The following B3GAT2 variants were observed in gnomAD, a reference collection of about 807,000 sequenced individuals.
The protein encoded by B3GAT2 is galactosylgalactosylxylosylprotein 3-beta-glucuronosyltransferase 2.
A neutral mutation model predicts 27.8 loss-of-function variants in B3GAT2; 26 were observed. The observed-to-expected ratio is 0.93, with a 90% confidence interval of 0.68 to 1.30. The LOEUF is 1.30. B3GAT2 is among the 50% of genes most tolerant of loss of function. B3GAT2 has a pLI of 0.00. For synonymous variants in B3GAT2, 218 were observed against 195.1 expected, an observed-to-expected ratio of 1.12 and a Z score of -0.98; for missense variants, 458 against 459.0, an observed-to-expected ratio of 1.00 and a Z score of 0.02.
intron 1 of B3GAT2, among the ~76,000 whole-genome samples, chr6:70,900,329 G>A (rs556811376): frequency 2.6e-4 from 39 of 152,146 alleles, no homozygotes; most frequent in South Asian, 8.3e-4. Flanking sequence ...TGTTCATCAC[G>A]TTGTCATCTT....
chr6:70,861,297 C>A lies in B3GAT2; in HGVS notation c.*366G>T. 5.3e-6 allele frequency: 1 copy of A among 189,186 alleles called. No homozygotes were observed. Among genetic ancestry groups the A allele is most frequent in the Non-Finnish European group, 1.1e-5 (1 of 90,330 alleles). 11.7% of individuals were successfully genotyped at this position (189,186 alleles called of 1,614,324 possible). A position where few individuals can be genotyped will look rare whatever the true frequency, so the allele number is the denominator to read the frequency against. On this transcript the variant is annotated 3_prime_UTR_variant, in exon 4 of 4. Transcript: ENST00000230053. ...ACAAAATACTTGTCTGTTTTAAAAA[C>A]CTGTTCAAGTCTACCAACCTGTTCA...
Position 70,956,826 on chromosome 6 carries a change from C to A in B3GAT2, c.-397G>T. The stretch of plus-strand genomic sequence containing the variant: ...ACCCGGTGCGCCTCGCCGCTCCAGT[C>A]CGGCGGTGCTGCGGGCACAAGGGCT... On this transcript the variant is annotated 5_prime_UTR_variant, in exon 1 of 4. Transcript: ENST00000230053. The A allele has an allele frequency of 9.4e-7, 1 of 1,067,586 alleles. No homozygotes were observed. Among genetic ancestry groups the A allele is most frequent in the Non-Finnish European group, 1.1e-6 (1 of 881,908 alleles). The allele number at this position is 1,067,586 out of a possible 1,614,324, so 66.1% of individuals were successfully genotyped here.
At chr6:70,886,992 G>T (rs545931) in intron 2 of B3GAT2, among the ~76,000 whole-genome samples, 3 of 151,808 alleles carry the variant, frequency 2.0e-5, no homozygotes. Context: ...CCTAGATCCT[G>T]CACTAAAAGG....
At chr6:70,953,733 C>G (rs1277081416) in intron 1 of B3GAT2, among the ~76,000 whole-genome samples, 1 of 152,126 alleles carries the variant, frequency 6.6e-6, no homozygotes, top group Non-Finnish European at 1.5e-5. Flanking sequence ...TGCATTACTT[C>G]CAATTGTACA....
chr6:70,861,698 T>G lies in B3GAT2; in HGVS notation c.937A>C (p.Lys313Gln), dbSNP rs1286750096. 8 of 1,614,130 alleles carry G rather than the reference T, an allele frequency of 5.0e-6. No individual in the cohort carries two copies. The highest frequency in any genetic ancestry group is 5.9e-6 in the Non-Finnish European group (7 of 1,179,990). Residue 313 changes from lysine (K) to glutamine (Q), a missense_variant, in exon 4 of 4, where the codon AAG becomes CAG. Coordinates refer to ENST00000230053, the MANE Select transcript of B3GAT2 (RefSeq NM_080742.3). ...ATTTTCACTGTGTCCAGGTGGTACT[T>G]TGGCTCGTTGGCTAGATTAACCTTC... ...TEKVNLANEP[K>Q]YHLDTVKIEV
intron 2 of B3GAT2, among the ~76,000 whole-genome samples, chr6:70,883,375 T>C (rs573613818): frequency 1.3e-5 from 2 of 150,932 alleles, no homozygotes; most frequent in Admixed American, 1.3e-4. Flanking sequence ...TACGTAACAA[T>C]GGAATATTAG....
intron 2 of B3GAT2, among the ~76,000 whole-genome samples, chr6:70,878,151 T>C (rs1049744866): frequency 5.3e-5 from 8 of 152,256 alleles, no homozygotes; most frequent in Non-Finnish European, 1.2e-4. Context: ...TCTGTGTCTA[T>C]TGAGTACAGT....
At chr6:70,938,974 G>A (rs1245382845) in intron 1 of B3GAT2, among the ~76,000 whole-genome samples, 2 of 151,780 alleles carry the variant, frequency 1.3e-5, no homozygotes, top group East Asian at 3.9e-4. Flanking sequence ...CCTACAAAAT[G>A]GGAGAAAATA....
chr6:70,900,446 C>A (rs1772479313), intron 1 of B3GAT2, among the ~76,000 whole-genome samples: 3 of 151,994 alleles, frequency 2.0e-5, no homozygotes, highest in Admixed American at 2.0e-4. Flanking sequence ...CCTCTGTCAC[C>A]CAGGCTGGAA....
At chr6:70,953,624 T>C (rs948985464) in intron 1 of B3GAT2, among the ~76,000 whole-genome samples, 4 of 152,346 alleles carry the variant, frequency 2.6e-5, no homozygotes, top group African/African-American at 9.6e-5. Context: ...ATGCCTATTA[T>C]GCTTAAAATG....
At chr6:70,917,089 C>T (rs1772785684) in intron 1 of B3GAT2, among the ~76,000 whole-genome samples, 1 of 152,126 alleles carries the variant, frequency 6.6e-6, no homozygotes, top group Admixed American at 6.5e-5. Flanking sequence ...TGTCACTGAA[C>T]TATTTAGAGA....
rs1765649578 is a variant in B3GAT2 at position 70,956,013 on chromosome 6, G to T, written c.417C>A (p.His139Gln). The T allele has an allele frequency of 6.7e-7, 1 of 1,501,758 alleles. No individual in the cohort carries two copies. The highest frequency in any genetic ancestry group is 1.9e-4 in the Middle Eastern group (1 of 5,180). The allele number at this position is 1,501,758 out of a possible 1,614,324, so 93.0% of individuals were successfully genotyped here. ...FLARAGLPST[H>Q]LHVPTPRRYK... ...AGCGCCGCGGCGTGGGCACGTGCAGGTGAGTGCTGGGCAGCCCGGCCCGCG... is the reference window on the plus strand; with the variant it reads ...AGCGCCGCGGCGTGGGCACGTGCAGTTGAGTGCTGGGCAGCCCGGCCCGCG... Residue 139 changes from histidine to glutamine, a missense_variant, in exon 1 of 4, where the codon CAC becomes CAA. By Grantham distance (24) the His-to-Gln change is conservative. Transcript: ENST00000230053.
At position 70,861,028 on chromosome 6, in the gene B3GAT2, G is replaced by GTAAC. The variant is rs1259231261; in HGVS notation, c.*631_*634dup. 3.9e-6 allele frequency: 1 copy of GTAAC among 256,054 alleles called. No individual in the cohort carries two copies. Among genetic ancestry groups the GTAAC allele is most frequent in the African/African-American group, 2.2e-5 (1 of 45,472 alleles). The allele number at this position is 256,054 out of a possible 1,614,324, so 15.9% of individuals were successfully genotyped here. The stretch of plus-strand genomic sequence containing the variant: ...TTTTTCTGCACTATATGCAAACAGG[G>GTAAC]TAACTAACTAAAACAAAGCCACTTT... On this transcript the variant is annotated 3_prime_UTR_variant, in exon 4 of 4. Transcript: ENST00000230053.
In B3GAT2 at chr6:70,857,143, T is replaced by C; in HGVS notation, c.*4520A>G. ...TTGTTCCATGTAGTGAGTGCTTTTG[T>C]TGTTGCAGTTTATACAACTATGAAG... is the stretch of plus-strand genomic sequence containing the variant. On this transcript the variant is annotated 3_prime_UTR_variant, in exon 4 of 4. Coordinates refer to ENST00000230053, the MANE Select transcript of B3GAT2 (RefSeq NM_080742.3). 1 of 1,082,978 alleles carries C rather than the reference T, an allele frequency of 9.2e-7. No individual in the cohort carries two copies. Among genetic ancestry groups the C allele is most frequent in the Non-Finnish European group, 1.2e-6 (1 of 800,666 alleles). 67.1% of individuals were successfully genotyped at this position (1,082,978 alleles called of 1,614,324 possible). A position where few individuals can be genotyped will look rare whatever the true frequency, so the allele number is the denominator to read the frequency against.
Position 70,883,444 on chromosome 6 carries a change from T to C in B3GAT2, c.736+10684A>G, listed in dbSNP as rs146117116. On this transcript the variant is annotated intron_variant, in intron 2 of 3. Transcript: ENST00000230053. ...ATATAATATGAATGAACCTTAAAGA[T>C]ATTATGCTCAATAAGCAAAAAAAAA... Among the ~76,000 whole-genome samples, 716 of 145,974 alleles carry C rather than the reference T, an allele frequency of 4.9e-3. 1 individual carries two copies. The highest frequency in any genetic ancestry group is 8.5e-3 in the Non-Finnish European group (568 of 67,212).
intron 2 of B3GAT2, among the ~76,000 whole-genome samples, chr6:70,883,367 C>T (rs912644579): frequency 2.0e-5 from 3 of 150,262 alleles, no homozygotes; most frequent in African/African-American, 4.9e-5. Context: ...GTGGACTATA[C>T]GTAACAATGG....
At chr6:70,881,080 T>C (rs566323647) in intron 2 of B3GAT2, among the ~76,000 whole-genome samples, 1 of 152,304 alleles carries the variant, frequency 6.6e-6, no homozygotes, top group Non-Finnish European at 1.5e-5. Context: ...CTTTGTACTT[T>C]TGCTCCTATT....
intron 1 of B3GAT2, among the ~76,000 whole-genome samples, chr6:70,897,081 G>A (rs571730533): frequency 1.3e-5 from 2 of 152,170 alleles, no homozygotes; most frequent in Non-Finnish European, 2.9e-5. Context: ...TGGTATTGTC[G>A]ATCTTCAATT....
intron 1 of B3GAT2, among the ~76,000 whole-genome samples, chr6:70,948,647 C>A (rs1765530589): frequency 6.6e-6 from 1 of 151,120 alleles, no homozygotes; most frequent in South Asian, 2.1e-4. Flanking sequence ...GTGAAAATGG[C>A]CATACTGCCC....
Sources: gnomAD v4.1 joint callset for allele counts (sites outside exome capture counted in the v4.1 genomes callset) on GRCh38, gnomAD v4.1.1 for gene constraint, MANE v1.5 for transcripts, NCBI Gene and HGNC (gene_info 2026-07-23, HGNC 2026-07-21) for gene names.